The following DLL3 variants were observed in gnomAD, a reference collection of about 807,000 sequenced individuals.
DLL3 encodes delta-like protein 3.
DLL3 carries 49 observed loss-of-function variants against 55.0 expected under a neutral mutation model. That is an observed-to-expected ratio of 0.89 (90% CI 0.71 to 1.13). The LOEUF (loss-of-function observed/expected upper bound fraction) is 1.13. DLL3 is among the 50% of genes most tolerant of loss of function. The pLI is 0.00. For synonymous variants in DLL3, 421 were observed against 385.2 expected, an observed-to-expected ratio of 1.09 and a Z score of -1.09; for missense variants, 962 against 875.5, an observed-to-expected ratio of 1.10 and a Z score of -1.25.
chr19:39,500,431 CCA>C lies in DLL3; in HGVS notation c.352-183_352-182del, dbSNP rs1491428078. Among the ~76,000 whole-genome samples, 576 of 143,832 alleles carry C rather than the reference CCA, an allele frequency of 4.0e-3. 2 individuals are homozygous for C. The highest frequency in any genetic ancestry group is 0.013 in the African/African-American group (504 of 37,844). The allele number at this position is 143,832 out of a possible 152,430, so 94.4% of individuals were successfully genotyped here. A position where few individuals can be genotyped will look rare whatever the true frequency, so the allele number is the denominator to read the frequency against. On this transcript the variant is annotated intron_variant, in intron 2 of 8. Coordinates refer to ENST00000356433, the MANE Select transcript of DLL3 (RefSeq NM_203486.3). ...ACAAAGTGAGATTCTCCCCCCCCCC[CCA>C]AAAAAAAGCCACAGATGTCATTCCC... is the stretch of plus-strand genomic sequence containing the variant.
chr19:39,499,384 C>A lies in DLL3; in HGVS notation c.262C>A (p.Pro88Thr). The change falls in exon 2 of 9, where the codon CCG (proline) becomes ACG (threonine). Residue 88 changes from proline (P) to threonine (T), a missense_variant. Pro to Thr is a conservative substitution (Grantham distance 38). Coordinates refer to ENST00000356433, the MANE Select transcript of DLL3 (RefSeq NM_203486.3). Reference protein sequence around the residue: ...ALGAALSARGPVYTEQPGAPA... With the variant: ...ALGAALSARGTVYTEQPGAPA... ...GGGCGCGGCGCTGAGTGCGCGCGGA[C>A]CGGTCTACACCGAGCAGCCCGGAGC... 1 of 1,569,704 alleles carries A rather than the reference C, an allele frequency of 6.4e-7. No individual in the cohort carries two copies. The highest frequency in any genetic ancestry group is 1.2e-5 in the South Asian group (1 of 86,782).
intron 7 of DLL3, 67 bp from the exon 8 acceptor site, chr19:39,507,763 G>T: frequency 6.2e-7 from 1 of 1,608,268 alleles, no homozygotes; most frequent in East Asian, 2.2e-5. Flanking sequence ...CCTTTGTGAT[G>T]GGTAGGGGAA....
chr19:39,507,882 G>A lies in DLL3; in HGVS notation c.1726G>A (p.Val576Ile). The stretch of plus-strand genomic sequence containing the variant: ...AGATGTAGACCCTCAAGGGATTTAT[G>A]TCATATCTGCTCCTTCCATCTACGC... The part of the protein sequence containing the change: ...PEDVDPQGIY[V>I]ISAPSIYARE... Residue 576 changes from valine (V) to isoleucine (I), a missense_variant, in exon 8 of 9, where the codon GTC (valine) becomes ATC (isoleucine). Val to Ile is a conservative substitution (Grantham distance 29). Coordinates refer to ENST00000356433, the MANE Select transcript of DLL3 (RefSeq NM_203486.3). 6.2e-7 allele frequency: 1 copy of A among 1,614,122 alleles called. No individual in the cohort carries two copies. The highest frequency in any genetic ancestry group is 8.5e-7 in the Non-Finnish European group (1 of 1,180,040).
At position 39,502,192 on chromosome 19, in the gene DLL3, A is replaced by G. The variant is rs373262982; in HGVS notation, c.410-623A>G. 7.2e-5 allele frequency among the ~76,000 whole-genome samples: 11 copies of G among 151,858 alleles called. No homozygotes were observed. The East Asian group carries it at 1.4e-3, about 19-fold the overall frequency. On this transcript the variant is annotated intron_variant, in intron 3 of 8. Coordinates refer to ENST00000356433, the MANE Select transcript of DLL3 (RefSeq NM_203486.3). ...ACAGAGTGAGACTCCGTCGCAAAAA[A>G]CAAACAAAAAAAAAACAAATATCTG...
In DLL3 at chr19:39,507,113, C is replaced by T. The variant is rs757298214; in HGVS notation, c.1168C>T (p.His390Tyr). ...CGGCTTCGCGGGTCCTCGCTGCGAG[C>T]ACGACCTGGACGACTGCGCGGGCCG... Reference protein sequence around the residue: ...RAGFAGPRCEHDLDDCAGRAC... With the variant: ...RAGFAGPRCEYDLDDCAGRAC... Residue 390 changes from histidine (H) to tyrosine (Y), a missense_variant, in exon 7 of 9, where the codon CAC becomes TAC. Physicochemically the swap from His to Tyr is moderately conservative, Grantham distance 83 (BLOSUM62 2). Coordinates refer to ENST00000356433, the MANE Select transcript of DLL3 (RefSeq NM_203486.3). 14 of 1,541,874 alleles carry T rather than the reference C, an allele frequency of 9.1e-6. No individual in the cohort carries two copies. Among genetic ancestry groups the T allele is most frequent in the African/African-American group, 2.7e-5 (2 of 73,238 alleles).
At chr19:39,505,201 C>G (rs755777033) in intron 5 of DLL3, 28 bp from the exon 6 acceptor site, 1 of 1,609,816 alleles carries the variant, frequency 6.2e-7, no homozygotes, top group Non-Finnish European at 8.5e-7. Flanking sequence ...AGGAAACACC[C>G]TTCTCAAGTA....
In DLL3 at chr19:39,500,659, A is replaced by G; in HGVS notation, c.396A>G (p.Gly132=). Residue 132 remains glycine, a synonymous_variant, in exon 3 of 9, where the codon GGA becomes GGG. Transcript: ENST00000356433. The part of the protein sequence containing the change: ...FIIETWREEL[G]DQIGGPAWSL... ...TCGAAACCTGGAGAGAGGAGTTAGG[A>G]GACCAGATTGGAGGTGAGTGTCTTC... is the stretch of plus-strand genomic sequence containing the variant. 6.2e-7 allele frequency: 1 copy of G among 1,613,686 alleles called. No homozygotes were observed. The highest frequency in any genetic ancestry group is 8.5e-7 in the Non-Finnish European group (1 of 1,179,720).
intron 1 of DLL3, 46 bp from the exon 2 acceptor site, chr19:39,499,146 C>T (rs994059262): frequency 6.2e-7 from 1 of 1,604,826 alleles, no homozygotes; most frequent in African/African-American, 1.3e-5. Flanking sequence ...GGACGGGAAG[C>T]CTGGGTCCTC....
At chr19:39,506,952 G>C (rs1182700742) in intron 6 of DLL3, 87 bp from the exon 7 acceptor site, 2 of 1,391,536 alleles carry the variant, frequency 1.4e-6, no homozygotes, top group East Asian at 2.7e-5. Flanking sequence ...AGGGGACCCC[G>C]TGCAGCGATG....
At chr19:39,502,164 G>A (rs1371814888) in intron 3 of DLL3, among the ~76,000 whole-genome samples, 4 of 151,890 alleles carry the variant, frequency 2.6e-5, no homozygotes, top group African/African-American at 9.7e-5. Context: ...TCCAGCCTGG[G>A]CGACAGAGTG....
In DLL3 at chr19:39,507,895, C is replaced by T; in HGVS notation, c.1739C>T (p.Pro580Leu). The change falls in exon 8 of 9, where the codon CCT becomes CTT. Residue 580 changes from proline (P) to leucine (L), a missense_variant. Physicochemically the swap from Pro to Leu is moderately conservative, Grantham distance 98. Coordinates refer to ENST00000356433, the MANE Select transcript of DLL3 (RefSeq NM_203486.3). The stretch of plus-strand genomic sequence containing the variant: ...CAAGGGATTTATGTCATATCTGCTC[C>T]TTCCATCTACGCTCGGGAGGTAGCG... The part of the protein sequence containing the change: ...DPQGIYVISA[P>L]SIYAREA 2 of 1,614,190 alleles carry T rather than the reference C, an allele frequency of 1.2e-6. No individual in the cohort carries two copies. Among genetic ancestry groups the T allele is most frequent in the Non-Finnish European group, 1.7e-6 (2 of 1,180,038 alleles).
Position 39,499,328 on chromosome 19 carries a change from C to G in DLL3, c.206C>G (p.Ser69Ter). 6.5e-7 allele frequency: 1 copy of G among 1,548,068 alleles called. No homozygotes were observed. Among genetic ancestry groups the G allele is most frequent in the Non-Finnish European group, 8.7e-7 (1 of 1,151,752 alleles). ...AGAGTCTGCCTGAAGCCTGGGCTCT[C>G]AGAGGAGGCCGCCGAGTCCCCGTGC... ...FFRVCLKPGL[S>*]EEAAESPCAL... The change falls in exon 2 of 9, where the codon TCA becomes TGA. Residue 69 changes from serine (S) to a stop codon, truncating the protein, a stop_gained. Coordinates refer to ENST00000356433, the MANE Select transcript of DLL3 (RefSeq NM_203486.3). LOFTEE classifies it high-confidence loss of function.
chr19:39,499,326 C>A lies in DLL3; in HGVS notation c.204C>A (p.Leu68=), dbSNP rs1340123528. 5 of 1,547,832 alleles carry A rather than the reference C, an allele frequency of 3.2e-6. No homozygotes were observed. The highest frequency in any genetic ancestry group is 4.3e-6 in the Non-Finnish European group (5 of 1,151,528). ...LFFRVCLKPG[L]SEEAAESPCA... is the part of the protein sequence containing the mutation. Reference sequence around the variant, plus strand: ...TCAGAGTCTGCCTGAAGCCTGGGCTCTCAGAGGAGGCCGCCGAGTCCCCGT... The same window carrying A: ...TCAGAGTCTGCCTGAAGCCTGGGCTATCAGAGGAGGCCGCCGAGTCCCCGT... The change falls in exon 2 of 9, where the codon CTC becomes CTA. Residue 68 remains leucine (L), a synonymous_variant. Transcript: ENST00000356433.
Position 39,503,015 on chromosome 19 carries a change from C to T in DLL3, c.610C>T (p.Leu204=), listed in dbSNP as rs1017969999. Residue 204 remains leucine (L), a synonymous_variant, in exon 4 of 9, where the codon CTG becomes TTG. Coordinates refer to ENST00000356433, the MANE Select transcript of DLL3 (RefSeq NM_203486.3). ...RSAPSRCGPG[L]RPCAPLEDEC... is the part of the protein sequence containing the mutation. ...CGCCCCCTCGCGGTGCGGTCCGGGA[C>T]TGCGCCCCTGCGCACCGCTCGAGGA... 5 of 1,509,156 alleles carry T rather than the reference C, an allele frequency of 3.3e-6. No homozygotes were observed. The highest frequency in any genetic ancestry group is 2.3e-4 in the Middle Eastern group (1 of 4,300). The allele number at this position is 1,509,156 out of a possible 1,614,324, so 93.5% of individuals were successfully genotyped here.
At chr19:39,503,117 T>G in intron 4 of DLL3, 60 bp downstream of exon 4, 2 of 1,487,696 alleles carry the variant, frequency 1.3e-6, no homozygotes, top group East Asian at 5.3e-5. Context: ...CTCCTGAGCG[T>G]CACTCGCGGC....
chr19:39,507,999 C>T, intron 8 of DLL3, 85 bp downstream of exon 8: 1 of 1,613,546 alleles, frequency 6.2e-7, no homozygotes, highest in Non-Finnish European at 8.5e-7. Context: ...TTCCTCGATT[C>T]TGTCCGTGAA....
At position 39,508,308 on chromosome 19, in the gene DLL3, C is replaced by T; in HGVS notation, c.*51C>T. On this transcript the variant is annotated 3_prime_UTR_variant, in exon 9 of 9. Transcript: ENST00000356433. Reference sequence around the variant, plus strand: ...GTCAGAGCGTGGATTTTTGTATTTGCTCGGTGGTGCCCAGTCTCTGCCCCA... The same window carrying T: ...GTCAGAGCGTGGATTTTTGTATTTGTTCGGTGGTGCCCAGTCTCTGCCCCA... The T allele has an allele frequency of 1.2e-6, 2 of 1,604,818 alleles. No homozygotes were observed. Among genetic ancestry groups the T allele is most frequent in the Non-Finnish European group, 1.7e-6 (2 of 1,172,102 alleles).
Position 39,502,919 on chromosome 19 carries a change from T to C in DLL3, c.514T>C (p.Phe172Leu). The C allele has an allele frequency of 6.9e-7, 1 of 1,447,378 alleles. No homozygotes were observed. The highest frequency in any genetic ancestry group is 9.0e-7 in the Non-Finnish European group (1 of 1,106,332). 89.7% of individuals were successfully genotyped at this position (1,447,378 alleles called of 1,614,324 possible). Residue 172 changes from phenylalanine (F) to leucine (L), a missense_variant, in exon 4 of 9, where the codon TTC (phenylalanine) becomes CTC (leucine). Physicochemically the swap from Phe to Leu is conservative, Grantham distance 22. Coordinates refer to ENST00000356433, the MANE Select transcript of DLL3 (RefSeq NM_203486.3). ...IQRAGAWELR[F>L]SYRARCEPPA... ...GCGCGCAGGCGCCTGGGAGCTGCGC[T>C]TCTCGTACCGCGCGCGCTGCGAGCC...
intron 1 of DLL3, 33 bp from the exon 2 acceptor site, chr19:39,499,159 G>A (rs2079593953): frequency 1.3e-6 from 2 of 1,598,358 alleles, no homozygotes; most frequent in Admixed American, 1.7e-5. Context: ...GGGTCCTCCC[G>A]GCCGCCTCAC....
Sources: allele counts gnomAD v4.1 joint callset (sites outside exome capture counted in the v4.1 genomes callset), GRCh38; gene constraint gnomAD v4.1.1; transcripts MANE v1.5; gene names NCBI Gene and HGNC (gene_info 2026-07-23, HGNC 2026-07-21).